The following TAP2 variants were observed in gnomAD, a reference collection of about 807,000 sequenced individuals.
TAP2 encodes the protein antigen peptide transporter 2.
In TAP2, 49 loss-of-function variants were observed where a neutral mutation model predicts 74.7. The observed-to-expected ratio is 0.66, with a 90% CI of 0.52 to 0.83. TAP2 has a LOEUF of 0.83. Among genes scored for constraint, TAP2 ranks in the 40% least tolerant of loss-of-function variants. The probability of loss-of-function intolerance (pLI) is 0.00; values close to 1 mark genes in which losing one functional copy is unlikely to be tolerated. For synonymous variants in TAP2, 306 were observed against 368.4 expected, an observed-to-expected ratio of 0.83 and a Z score of 1.94; for missense variants, 739 against 859.0, an observed-to-expected ratio of 0.86 and a Z score of 1.75.
At chr6:32,838,316 G>T in intron 1 of TAP2, 79 bp from the exon 2 acceptor site, 1 of 1,473,326 alleles carries the variant, frequency 6.8e-7, no homozygotes, top group Admixed American at 2.5e-5. Flanking sequence ...GCCCGGCTCC[G>T]CCTAACCCGT....
At chr6:32,823,491 C>T (rs1257034317), downstream of TAP2, among the ~76,000 whole-genome samples, 3 of 122,654 alleles carry the variant, frequency 2.4e-5, no homozygotes, top group African/African-American at 6.3e-5. Context: ...TTTGGTAAGA[C>T]GAATGTGACC....
chr6:32,829,587 C>A, intron 10 of TAP2, 51 bp from the exon 11 acceptor site: 1 of 1,611,870 alleles, frequency 6.2e-7, no homozygotes. Flanking sequence ...ACACAGACAA[C>A]ACACAAGGAG....
rs989567369 is a variant in TAP2 at position 32,826,996 on chromosome 6, TGA to T, written c.*1908_*1909del. The T allele has an allele frequency of 2.0e-6, 2 of 985,272 alleles. No homozygotes were observed. Among genetic ancestry groups the T allele is most frequent in the African/African-American group, 3.5e-5 (2 of 57,208 alleles). 61.0% of individuals were successfully genotyped at this position (985,272 alleles called of 1,614,324 possible). Reference sequence around the variant, plus strand: ...TGCCTATTTTACCCTCTGTGAAATTTGAGAGATGGATGGGTGTGGAGCTGCAA... The same window carrying T: ...TGCCTATTTTACCCTCTGTGAAATTTGAGATGGATGGGTGTGGAGCTGCAA... On this transcript the variant is annotated 3_prime_UTR_variant, in exon 12 of 12. Transcript: ENST00000374897.
chr6:32,823,971 T>C (rs1404294639), downstream of TAP2, among the ~76,000 whole-genome samples: 3 of 150,598 alleles, frequency 2.0e-5, no homozygotes, highest in Non-Finnish European at 4.4e-5. Flanking sequence ...TCCCTTCCTC[T>C]TTCTGTGTGT....
rs1226982805 is a variant in TAP2 at position 32,835,783 on chromosome 6, A to G, written c.609-10T>C. On this transcript the variant is annotated splice_polypyrimidine_tract_variant and intron_variant, in intron 3 of 11. Transcript: ENST00000374897. The surrounding 1 kb of genome is among the most constrained non-coding windows in gnomAD (Gnocchi z 4.0). ...GCCTGCAGACAGTGAGCTGTGGGGTAGGAGAATAAGAGGGGAGGGAGATGC... is the reference window on the plus strand; with the variant it reads ...GCCTGCAGACAGTGAGCTGTGGGGTGGGAGAATAAGAGGGGAGGGAGATGC... 3 of 1,613,148 alleles carry G rather than the reference A, an allele frequency of 1.9e-6. No homozygotes were observed. Among genetic ancestry groups the G allele is most frequent in the Admixed American group, 1.7e-5 (1 of 60,022 alleles).
Position 32,832,238 on chromosome 6 carries a change from T to C in TAP2, c.1272+95A>G, listed in dbSNP as rs1769125290. The C allele has an allele frequency of 3.9e-5, 61 of 1,571,454 alleles. No individual in the cohort carries two copies. Among genetic ancestry groups the C allele is most frequent in the Non-Finnish European group, 4.2e-5 (48 of 1,152,620 alleles). On this transcript the variant is annotated intron_variant, in intron 7 of 11. Transcript: ENST00000374897. The surrounding 1 kb of genome is among the most constrained non-coding windows in gnomAD (Gnocchi z 5.9). ...TTACTTGCGGGTTTTGGTTTTGTATTGTATTGTTAAAAAGAACAAATAAAG... is the reference window on the plus strand; with the variant it reads ...TTACTTGCGGGTTTTGGTTTTGTATCGTATTGTTAAAAAGAACAAATAAAG...
In TAP2 at chr6:32,835,018, T is replaced by C; in HGVS notation, c.945+136A>G. On this transcript the variant is annotated intron_variant, in intron 5 of 11. Coordinates refer to ENST00000374897, the MANE Select transcript of TAP2 (RefSeq NM_001290043.2). This position sits in a 1 kb window ranked among gnomAD's most constrained non-coding sequence, Gnocchi z 4.0. ...GGCTGGACAAACAAAATGTAGTATA[T>C]ACTACAATATACCTTCTCCCCTAAT... 1 of 887,372 alleles carries C rather than the reference T, an allele frequency of 1.1e-6. No homozygotes were observed. Among genetic ancestry groups the C allele is most frequent in the Non-Finnish European group, 1.8e-6 (1 of 548,104 alleles). 55.0% of individuals were successfully genotyped at this position (887,372 alleles called of 1,614,324 possible).
downstream of TAP2, among the ~76,000 whole-genome samples, chr6:32,823,783 T>C (rs1768463370): frequency 6.6e-6 from 1 of 151,954 alleles, no homozygotes; most frequent in Non-Finnish European, 1.5e-5. Context: ...TAAAAATCTT[T>C]CACTATGTCT....
Position 32,830,651 on chromosome 6 carries a change from T to A in TAP2, c.1428A>T (p.Ala476=). The A allele has an allele frequency of 1.2e-6, 2 of 1,613,090 alleles. No individual in the cohort carries two copies. The highest frequency in any genetic ancestry group is 1.7e-6 in the Non-Finnish European group (2 of 1,180,028). ...GVVKFQDVSF[A]YPNRPDRPVL... The stretch of plus-strand genomic sequence containing the variant: ...CAGGCCTGTCAGGGCGATTGGGATA[T>A]GCAAAGGAGACGTCTTGGAATTTCA... Residue 476 remains alanine (A), a synonymous_variant, in exon 8 of 12, where the codon GCA becomes GCT. Coordinates refer to ENST00000374897, the MANE Select transcript of TAP2 (RefSeq NM_001290043.2).
In TAP2 at chr6:32,827,447, G is replaced by A. The variant is rs1486969829; in HGVS notation, c.*1459C>T. 1.6e-6 allele frequency: 1 copy of A among 642,382 alleles called. No individual in the cohort carries two copies. The highest frequency in any genetic ancestry group is 2.0e-5 in the African/African-American group (1 of 50,274). 39.8% of individuals were successfully genotyped at this position (642,382 alleles called of 1,614,324 possible). On this transcript the variant is annotated 3_prime_UTR_variant, in exon 12 of 12. Coordinates refer to ENST00000374897, the MANE Select transcript of TAP2 (RefSeq NM_001290043.2). ...CCCAGGTGCTCATGGTCTAGTGGAA[G>A]GTCAAAAAAGGTGGGAAAGGGAAGA... is the stretch of plus-strand genomic sequence containing the variant.
chr6:32,829,647 GC>G, intron 10 of TAP2, 111 bp from the exon 11 acceptor site: 1 of 1,534,554 alleles, frequency 6.5e-7, no homozygotes, highest in Non-Finnish European at 8.9e-7. Flanking sequence ...AGGTGGGAGG[GC>G]CCAGTGCGGG....
chr6:32,826,850 T>C lies in TAP2; in HGVS notation c.*2056A>G. The C allele has an allele frequency of 1.0e-6, 1 of 985,470 alleles. No homozygotes were observed. Among genetic ancestry groups the C allele is most frequent in the Non-Finnish European group, 1.2e-6 (1 of 829,938 alleles). The allele number at this position is 985,470 out of a possible 1,614,324, so 61.0% of individuals were successfully genotyped here. ...AATCAAAGAATTTCTCAGATCATCT[T>C]CTTCTGTGAGGGCTGCAGCTTCCAT... On this transcript the variant is annotated 3_prime_UTR_variant, in exon 12 of 12. Transcript: ENST00000374897.
rs1768772277 is a variant in TAP2 at position 32,828,074 on chromosome 6, G to C, written c.*832C>G. The C allele has an allele frequency of 3.3e-6, 3 of 909,258 alleles. No individual in the cohort carries two copies. The highest frequency in any genetic ancestry group is 3.9e-6 in the Non-Finnish European group (3 of 761,104). The allele number at this position is 909,258 out of a possible 1,614,324, so 56.3% of individuals were successfully genotyped here. ...GGGTGTGGACTCTAGGGTCAGGCCT[G>C]TGTTCAAACTCCAACTCCACCACTA... On this transcript the variant is annotated 3_prime_UTR_variant, in exon 12 of 12. Transcript: ENST00000374897.
At chr6:32,836,461 G>C (rs1269884164) in intron 3 of TAP2, among the ~76,000 whole-genome samples, 1 of 152,212 alleles carries the variant, frequency 6.6e-6, no homozygotes, top group Non-Finnish European at 1.5e-5. Flanking sequence ...ATGATATAAT[G>C]AGGGTTTGTA....
rs1768633219 is a variant in TAP2 at position 32,826,116 on chromosome 6, T to C, written c.*2790A>G. On this transcript the variant is annotated 3_prime_UTR_variant, in exon 12 of 12. Coordinates refer to ENST00000374897, the MANE Select transcript of TAP2 (RefSeq NM_001290043.2). ...TGACAGCTCTAAAACACAAGGAAGATCTTTGTTTTCCTTATTCCCTAGTCC... is the reference window on the plus strand; with the variant it reads ...TGACAGCTCTAAAACACAAGGAAGACCTTTGTTTTCCTTATTCCCTAGTCC... 1.1e-5 allele frequency: 11 copies of C among 985,458 alleles called. No homozygotes were observed. The highest frequency in any genetic ancestry group is 1.3e-5 in the Non-Finnish European group (11 of 829,942). 61.0% of individuals were successfully genotyped at this position (985,458 alleles called of 1,614,324 possible). A position where few individuals can be genotyped will look rare whatever the true frequency, so the allele number is the denominator to read the frequency against.
In TAP2 at chr6:32,828,679, C is replaced by CCCCACCA; in HGVS notation, c.*226_*227insTGGTGGG. ...TAAGTTTCCTGGACACAGACAGCCC[C>CCCCACCA]CACCCCACCCCACCCCACCTCTCTA... On this transcript the variant is annotated 3_prime_UTR_variant, in exon 12 of 12. Transcript: ENST00000374897. The CCCCACCA allele has an allele frequency of 1.1e-6, 1 of 948,140 alleles. No individual in the cohort carries two copies. Among genetic ancestry groups the CCCCACCA allele is most frequent in the Non-Finnish European group, 1.3e-6 (1 of 788,692 alleles). 58.7% of individuals were successfully genotyped at this position (948,140 alleles called of 1,614,324 possible).
At chr6:32,822,419 TATA>T (rs372490750), downstream of TAP2, 683 of 762,968 alleles carry the variant, frequency 9.0e-4, 13 homozygotes, top group South Asian at 8.1e-3. Context: ...TTTGTGTCAG[TATA>T]ATAAGTAAAT....
Position 32,826,192 on chromosome 6 carries a change from G to A in TAP2, c.*2714C>T. 3 of 985,356 alleles carry A rather than the reference G, an allele frequency of 3.0e-6. No homozygotes were observed. Among genetic ancestry groups the A allele is most frequent in the Non-Finnish European group, 3.6e-6 (3 of 829,928 alleles). The allele number at this position is 985,356 out of a possible 1,614,324, so 61.0% of individuals were successfully genotyped here. Reference sequence around the variant, plus strand: ...CGCATTTCCTGCTTGTTTCACAATTGCCATGTGGATTACAAGTGGCTATCC... The same window carrying A: ...CGCATTTCCTGCTTGTTTCACAATTACCATGTGGATTACAAGTGGCTATCC... On this transcript the variant is annotated 3_prime_UTR_variant, in exon 12 of 12. Transcript: ENST00000374897.
downstream of TAP2, chr6:32,822,117 C>G: frequency 1.7e-6 from 1 of 604,122 alleles, no homozygotes; most frequent in Non-Finnish European, 2.9e-6. Flanking sequence ...TTTGATACGA[C>G]TTTGGGATAG....
Sources: gnomAD v4.1 joint callset for allele counts (sites outside exome capture counted in the v4.1 genomes callset) on GRCh38, gnomAD v4.1.1 for gene constraint, Gnocchi (gnomAD v3.1) non-coding constraint, MANE v1.5 for transcripts, NCBI Gene and HGNC (gene_info 2026-07-23, HGNC 2026-07-21) for gene names.